Variants in MNAT1 observed in about 807,000 individuals in gnomAD.
The protein encoded by MNAT1 is CDK-activating kinase assembly factor MAT1.
In MNAT1, 43 loss-of-function variants were observed where a neutral mutation model predicts 42.0. The ratio of observed to expected loss-of-function variants is 1.02; its 90% CI spans 0.80 to 1.32. The LOEUF (loss-of-function observed/expected upper bound fraction) is 1.32, where lower values mean the gene tolerates loss of function less well. Ranked by LOEUF, MNAT1 falls within the 40% of genes most tolerant of loss-of-function variation. The pLI is 0.00. For missense variants in MNAT1, 306 were observed against 350.4 expected, an observed-to-expected ratio of 0.87 and a Z score of 1.01; for synonymous variants, 118 against 120.0, an observed-to-expected ratio of 0.98 and a Z score of 0.11.
chr14:60,867,310 T>G (rs2034225893), intron 6 of MNAT1, among the ~76,000 whole-genome samples: 1 of 152,032 alleles, frequency 6.6e-6, no homozygotes, highest in South Asian at 2.1e-4. Flanking sequence ...AAGAAGCCAG[T>G]TTTAGAAGAA....
chr14:60,751,201 C>T (rs2030078019), intron 1 of MNAT1, among the ~76,000 whole-genome samples: 1 of 151,760 alleles, frequency 6.6e-6, no homozygotes, highest in African/African-American at 2.4e-5. Context: ...GTGTAAATCC[C>T]ATTCAGAAAT....
chr14:60,874,807 T>G (rs1273908205), intron 6 of MNAT1, among the ~76,000 whole-genome samples: 2 of 152,140 alleles, frequency 1.3e-5, no homozygotes, highest in Non-Finnish European at 2.9e-5. Context: ...CTAAAAAACT[T>G]TTAAACACCC....
intron 7 of MNAT1, among the ~76,000 whole-genome samples, chr14:60,896,361 T>C (rs575590979): frequency 2.6e-5 from 4 of 152,300 alleles, no homozygotes; most frequent in African/African-American, 9.6e-5. Flanking sequence ...AATAATCATC[T>C]AGCTTTCTAG....
chr14:60,898,926 T>A (rs1484386765), intron 7 of MNAT1, among the ~76,000 whole-genome samples: 1 of 152,148 alleles, frequency 6.6e-6, no homozygotes, highest in African/African-American at 2.4e-5. Context: ...CTTGAGTTGA[T>A]TTTTGTATAT....
chr14:60,898,873 T>C (rs535022012), intron 7 of MNAT1, among the ~76,000 whole-genome samples: 110 of 152,216 alleles, frequency 7.2e-4, no homozygotes, highest in Non-Finnish European at 1.3e-3. Flanking sequence ...TTTTTTCTAG[T>C]AGTTTTATAT....
intron 6 of MNAT1, among the ~76,000 whole-genome samples, chr14:60,822,372 AAT>A (rs1452453667): frequency 6.6e-6 from 1 of 152,178 alleles, no homozygotes; most frequent in African/African-American, 2.4e-5. Context: ...GAGATTAGGA[AAT>A]ATATCCATTG....
intron 7 of MNAT1, among the ~76,000 whole-genome samples, chr14:60,923,576 T>C (rs1466632271): frequency 6.6e-6 from 1 of 152,218 alleles, no homozygotes; most frequent in Non-Finnish European, 1.5e-5. Context: ...TTAACCAGTC[T>C]TCAATTAGAC....
chr14:60,880,982 A>G (rs2034537810), intron 7 of MNAT1, among the ~76,000 whole-genome samples: 2 of 152,338 alleles, frequency 1.3e-5, no homozygotes, highest in East Asian at 3.9e-4. Flanking sequence ...TTTATTTCTT[A>G]TCTCTTACAA....
At chr14:60,754,255 C>T (rs2030231220) in intron 1 of MNAT1, among the ~76,000 whole-genome samples, 1 of 150,564 alleles carries the variant, frequency 6.6e-6, no homozygotes. Context: ...ATCCCTTCAT[C>T]TTTATTAAAA....
intron 1 of MNAT1, among the ~76,000 whole-genome samples, chr14:60,792,845 A>G (rs1205586562): frequency 1.3e-5 from 2 of 152,186 alleles, no homozygotes; most frequent in Non-Finnish European, 2.9e-5. Context: ...ATGGATAATG[A>G]CTGAAAATTT....
At chr14:60,909,787 G>A (rs944797978) in intron 7 of MNAT1, among the ~76,000 whole-genome samples, 6 of 152,136 alleles carry the variant, frequency 3.9e-5, no homozygotes, top group Non-Finnish European at 8.8e-5. Context: ...TTTTGGCTTA[G>A]GATTGACTTG....
chr14:60,766,074 G>A (rs1158741069), intron 1 of MNAT1, among the ~76,000 whole-genome samples: 1 of 151,928 alleles, frequency 6.6e-6, no homozygotes, highest in Non-Finnish European at 1.5e-5. Context: ...AACTCCACTG[G>A]GTGCAGTGGC....
intron 6 of MNAT1, among the ~76,000 whole-genome samples, chr14:60,874,461 C>T (rs548689927): frequency 6.6e-6 from 1 of 152,098 alleles, no homozygotes. Context: ...TTTCATTCTT[C>T]CATCTTTTAT....
chr14:60,906,737 T>G (rs951911581), intron 7 of MNAT1, among the ~76,000 whole-genome samples: 1 of 152,206 alleles, frequency 6.6e-6, no homozygotes, highest in African/African-American at 2.4e-5. Context: ...CTTTTTAAAA[T>G]GAACATGTAC....
intron 6 of MNAT1, among the ~76,000 whole-genome samples, chr14:60,874,961 G>A (rs1309041765): frequency 1.3e-5 from 2 of 152,030 alleles, no homozygotes; most frequent in African/African-American, 4.8e-5. Flanking sequence ...CCAGCTTTAG[G>A]CTTGAGAACC....
At chr14:60,879,966 T>C in intron 7 of MNAT1, 131 bp downstream of exon 7, 1 of 946,288 alleles carries the variant, frequency 1.1e-6, no homozygotes, top group Non-Finnish European at 1.5e-6. Context: ...TGAACAGTAC[T>C]CAATACCAAA....
rs539921918 is a variant in MNAT1, at chr14:60,878,987, A to C, written c.688-727A>C. Among the ~76,000 whole-genome samples, 31 of 151,812 alleles carry C rather than the reference A, an allele frequency of 2.0e-4. 1 individual carries two copies. Among genetic ancestry groups the C allele is most frequent in the Middle Eastern group, 6.8e-3 (2 of 292 alleles). On this transcript the variant is annotated intron_variant, in intron 6 of 7. Transcript: ENST00000261245. ...AGCTGAGATGTCTATGGTGTTGCCT[A>C]TTGTTTCTGCTGTTAATCATCAGTC... is the stretch of plus-strand genomic sequence containing the variant.
intron 6 of MNAT1, among the ~76,000 whole-genome samples, chr14:60,878,857 C>G (rs557311010): frequency 6.6e-6 from 1 of 152,116 alleles, no homozygotes; most frequent in African/African-American, 2.4e-5. Context: ...CCACTGAATG[C>G]ACTGCTCTTG....
At chr14:60,882,283 C>A (rs746283387) in intron 7 of MNAT1, among the ~76,000 whole-genome samples, 6 of 152,096 alleles carry the variant, frequency 3.9e-5, no homozygotes, top group African/African-American at 1.2e-4. Context: ...TCCTTCTACT[C>A]CCTATCAGTT....
Sources: allele counts gnomAD v4.1 joint callset (sites outside exome capture counted in the v4.1 genomes callset), GRCh38; gene constraint gnomAD v4.1.1; transcripts MANE v1.5; gene names NCBI Gene and HGNC (gene_info 2026-07-23, HGNC 2026-07-21).